Variants in ICMT observed in about 807,000 individuals in gnomAD.
ICMT encodes isoprenylcysteine carboxyl methyltransferase, also known as protein-S-isoprenylcysteine O-methyltransferase.
ICMT carries 10 observed loss-of-function variants against 32.2 expected under a neutral mutation model. That is an observed-to-expected ratio of 0.31 (90% confidence interval 0.19 to 0.53). ICMT has a LOEUF of 0.53. Among genes scored for constraint, ICMT ranks in the 20% least tolerant of loss-of-function variants. The pLI, the probability that ICMT is intolerant of heterozygous loss-of-function variation, is 0.96. For synonymous variants in ICMT, 183 were observed against 158.2 expected, an observed-to-expected ratio of 1.16 and a Z score of -1.18; for missense variants, 265 against 356.9, an observed-to-expected ratio of 0.74 and a Z score of 2.07.
chr1:6,232,200 T>C, intron 3 of ICMT, 81 bp from the exon 4 acceptor site: 1 of 981,398 alleles, frequency 1.0e-6, no homozygotes, highest in Non-Finnish European at 1.5e-6. Context: ...AAAATTAACC[T>C]ATTTTCCCGA....
In ICMT at chr1:6,231,170, C is replaced by CA. The variant is rs779403125; in HGVS notation, c.672+731dup. The stretch of plus-strand genomic sequence containing the variant: ...TGGTCAACAGAGCAAGACTAGGTCT[C>CA]AAAAAAAAAAAAGAAAGAAAGAAAA... On this transcript the variant is annotated intron_variant, in intron 4 of 4. Transcript: ENST00000343813. Among the ~76,000 whole-genome samples the CA allele has an allele frequency of 9.4e-4, 125 of 132,636 alleles. 1 individual carries two copies. The highest frequency in any genetic ancestry group is 6.4e-3 in the East Asian group (30 of 4,688). The allele number at this position is 132,636 out of a possible 152,430, so 87.0% of individuals were successfully genotyped here.
At chr1:6,235,004 T>C in intron 1 of ICMT, 30 bp from the exon 2 acceptor site, 1 of 1,569,200 alleles carries the variant, frequency 6.4e-7, no homozygotes, top group South Asian at 1.1e-5. Flanking sequence ...AGCTCAGTCA[T>C]TCACAGTCCT....
chr1:6,229,774 T>G (rs1571225140), intron 4 of ICMT, among the ~76,000 whole-genome samples: 1 of 109,830 alleles, frequency 9.1e-6, no homozygotes, highest in Non-Finnish European at 1.8e-5. Flanking sequence ...CATACATAAA[T>G]AAAAAAAATA....
In ICMT at chr1:6,235,941, G is replaced by C. The variant is rs1377954586; in HGVS notation, c.-30C>G. 5 of 1,081,908 alleles carry C rather than the reference G, an allele frequency of 4.6e-6. No homozygotes were observed. The highest frequency in any genetic ancestry group is 1.7e-5 in the African/African-American group (1 of 59,672). The allele number at this position is 1,081,908 out of a possible 1,614,324, so 67.0% of individuals were successfully genotyped here. A position where few individuals can be genotyped will look rare whatever the true frequency, so the allele number is the denominator to read the frequency against. On this transcript the variant is annotated 5_prime_UTR_variant, in exon 1 of 5. Transcript: ENST00000343813. ...CCGGGCGGCGGACTAGCGGGCGGCG[G>C]CGCCGGCTGTAGCCCGGAGAAACGC... is the stretch of plus-strand genomic sequence containing the variant.
rs1379406353 is a variant in ICMT at position 6,235,810 on chromosome 1, C to T, written c.102G>A (p.Thr34=). Reference sequence around the variant, plus strand: ...CGGTGCGGCCCTGCAGGCCGGCGCGCGTGAGCAGCGGCAGCGCGAGCACCG... The same window carrying T: ...CGGTGCGGCCCTGCAGGCCGGCGCGTGTGAGCAGCGGCAGCGCGAGCACCG... ...GASVLALPLL[T]RAGLQGRTGL... The change falls in exon 1 of 5, where the codon ACG becomes ACA. Residue 34 remains threonine (T), a synonymous_variant. Transcript: ENST00000343813. 1 of 1,320,158 alleles carries T rather than the reference C, an allele frequency of 7.6e-7. No homozygotes were observed. The highest frequency in any genetic ancestry group is 9.8e-7 in the Non-Finnish European group (1 of 1,025,390). The allele number at this position is 1,320,158 out of a possible 1,614,324, so 81.8% of individuals were successfully genotyped here. A position where few individuals can be genotyped will look rare whatever the true frequency, so the allele number is the denominator to read the frequency against.
At chr1:6,234,405 C>T (rs1274255122) in intron 2 of ICMT, 3 of 448,254 alleles carry the variant, frequency 6.7e-6, no homozygotes, top group South Asian at 4.9e-5. Context: ...AACTTTTTAC[C>T]TTGAAGCCAC....
Position 6,235,709 on chromosome 1 carries a change from G to A in ICMT, c.195+8C>T. On this transcript the variant is annotated splice_region_variant and intron_variant, in intron 1 of 4. Transcript: ENST00000343813. ...CGCCGGCCCCCGCCGGCCCCCGCCG[G>A]CCTGCACCTGGTAGCGAGGCGGCCG... 1.6e-5 allele frequency: 20 copies of A among 1,244,650 alleles called. No homozygotes were observed. Among genetic ancestry groups the A allele is most frequent in the Non-Finnish European group, 1.8e-5 (18 of 988,488 alleles). 77.1% of individuals were successfully genotyped at this position (1,244,650 alleles called of 1,614,324 possible). A position where few individuals can be genotyped will look rare whatever the true frequency, so the allele number is the denominator to read the frequency against.
intron 4 of ICMT, among the ~76,000 whole-genome samples, chr1:6,228,179 C>G (rs1207463302): frequency 6.6e-6 from 1 of 152,154 alleles, no homozygotes; most frequent in Non-Finnish European, 1.5e-5. Flanking sequence ...AAGACAGGGT[C>G]TCACTCTGTT....
At chr1:6,227,561 C>A (rs1668663392) in intron 4 of ICMT, among the ~76,000 whole-genome samples, 1 of 152,158 alleles carries the variant, frequency 6.6e-6, no homozygotes, top group Non-Finnish European at 1.5e-5. Flanking sequence ...GAAACAGTTT[C>A]AAGAAATAAG....
At chr1:6,230,945 T>C (rs1296236865) in intron 4 of ICMT, among the ~76,000 whole-genome samples, 1 of 149,526 alleles carries the variant, frequency 6.7e-6, no homozygotes, top group Non-Finnish European at 1.5e-5. Flanking sequence ...CTCAAGCCTG[T>C]AATCCCAGCA....
intron 4 of ICMT, among the ~76,000 whole-genome samples, chr1:6,227,835 G>A (rs1426283247): frequency 7.3e-5 from 11 of 151,592 alleles, no homozygotes; most frequent in South Asian, 6.2e-4. Context: ...CAGCCTGGGC[G>A]ACAGAGCGAG....
intron 2 of ICMT, among the ~76,000 whole-genome samples, chr1:6,234,138 G>A (rs935142471): frequency 6.6e-6 from 1 of 152,160 alleles, no homozygotes; most frequent in Non-Finnish European, 1.5e-5. Flanking sequence ...GCCTCCTAAA[G>A]TGCTGGGATT....
intron 2 of ICMT, 56 bp downstream of exon 2, chr1:6,234,830 A>G: frequency 7.9e-7 from 1 of 1,267,684 alleles, no homozygotes; most frequent in South Asian, 1.2e-5. Flanking sequence ...GCCGCTACAG[A>G]CCCTCTGATC....
At chr1:6,231,653 G>A (rs777405368) in intron 4 of ICMT, among the ~76,000 whole-genome samples, 30 of 152,104 alleles carry the variant, frequency 2.0e-4, no homozygotes, top group Non-Finnish European at 3.4e-4. Context: ...TACGCACCCA[G>A]GTTCTGGGCA....
chr1:6,228,253 G>T lies in ICMT; in HGVS notation c.673-2991C>A, dbSNP rs910180455. ...CTGCCTCAGCCTCCTGAGTAGCTGGGACTACAGGTGCACACTACAACTTCC... is the reference window on the plus strand; with the variant it reads ...CTGCCTCAGCCTCCTGAGTAGCTGGTACTACAGGTGCACACTACAACTTCC... On this transcript the variant is annotated intron_variant, in intron 4 of 4. Transcript: ENST00000343813. Among the ~76,000 whole-genome samples the T allele has an allele frequency of 2.0e-5, 3 of 152,144 alleles. No individual in the cohort carries two copies. In the East Asian group the frequency reaches 5.8e-4, roughly 29 times the overall value.
At chr1:6,232,148 G>A (rs767258598) in intron 3 of ICMT, 29 bp from the exon 4 acceptor site, 40 of 1,567,134 alleles carry the variant, frequency 2.6e-5, no homozygotes, top group South Asian at 3.4e-5. Context: ...AACGACACAC[G>A]GGGAGTGAAA....
Position 6,235,794 on chromosome 1 carries a change from C to A in ICMT, c.118G>T (p.Gly40Cys). 2 of 1,330,070 alleles carry A rather than the reference C, an allele frequency of 1.5e-6. No individual in the cohort carries two copies. The highest frequency in any genetic ancestry group is 1.6e-5 in the South Asian group (1 of 63,910). The allele number at this position is 1,330,070 out of a possible 1,614,324, so 82.4% of individuals were successfully genotyped here. A position where few individuals can be genotyped will look rare whatever the true frequency, so the allele number is the denominator to read the frequency against. Reference sequence around the variant, plus strand: ...ACGTAGAGCGCCAGCCCGGTGCGGCCCTGCAGGCCGGCGCGCGTGAGCAGC... The same window carrying A: ...ACGTAGAGCGCCAGCCCGGTGCGGCACTGCAGGCCGGCGCGCGTGAGCAGC... ...LPLLTRAGLQ[G>C]RTGLALYVAG... Residue 40 changes from glycine (G) to cysteine (C), a missense_variant, in exon 1 of 5, where the codon GGC becomes TGC. Transcript: ENST00000343813.
In ICMT at chr1:6,231,047, A is replaced by C. The variant is rs1288301197; in HGVS notation, c.672+855T>G. Among the ~76,000 whole-genome samples the C allele has an allele frequency of 2.0e-5, 3 of 151,850 alleles. No homozygotes were observed. In the East Asian group the frequency reaches 5.8e-4, roughly 29 times the overall value. On this transcript the variant is annotated intron_variant, in intron 4 of 4. Transcript: ENST00000343813. ...GAAACCCTGTCTCTACAAAAAAAAT[A>C]CGAAAAGTAGTCAGGCATGGTGGTT...
Position 6,225,071 on chromosome 1 carries a change from C to T in ICMT, c.*9G>A. On this transcript the variant is annotated 3_prime_UTR_variant, in exon 5 of 5. Coordinates refer to ENST00000343813, the MANE Select transcript of ICMT (RefSeq NM_012405.4). ...TCGGAGGCCCCAAGGTCACCGGGGC[C>T]ACTGCCCGTCACAGGTCCACCTTGA... 6.2e-7 allele frequency: 1 copy of T among 1,609,570 alleles called. No individual in the cohort carries two copies. The highest frequency in any genetic ancestry group is 8.5e-7 in the Non-Finnish European group (1 of 1,177,426).
Sources: allele counts gnomAD v4.1 joint callset (sites outside exome capture counted in the v4.1 genomes callset), GRCh38; gene constraint gnomAD v4.1.1; transcripts MANE v1.5; gene names NCBI Gene and HGNC (gene_info 2026-07-23, HGNC 2026-07-21).